MYO5A: variants seen among roughly 807,000 people sequenced by gnomAD.
The protein encoded by MYO5A is myosin VA.
MYO5A carries 98 observed loss-of-function variants against 249.7 expected under a neutral mutation model. The ratio of observed to expected loss-of-function variants is 0.39; its 90% CI spans 0.33 to 0.46. The LOEUF is 0.46. Among genes scored for constraint, MYO5A ranks in the 20% least tolerant of loss-of-function variants. The pLI, the probability that MYO5A is intolerant of heterozygous loss-of-function variation, is 0.98. For missense variants in MYO5A, 1,696 were observed against 2,308.8 expected, an observed-to-expected ratio of 0.73 and a Z score of 5.44; for synonymous variants, 778 against 810.6, an observed-to-expected ratio of 0.96 and a Z score of 0.68.
intron 16 of MYO5A, among the ~76,000 whole-genome samples, chr15:52,381,108 A>G (rs1400540026): frequency 6.6e-6 from 1 of 152,238 alleles, no homozygotes; most frequent in African/African-American, 2.4e-5. Context: ...CCCTTCGGCC[A>G]AATGATTGCT....
intron 1 of MYO5A, among the ~76,000 whole-genome samples, chr15:52,491,040 T>C (rs2076925421): frequency 6.6e-6 from 1 of 152,182 alleles, no homozygotes; most frequent in Non-Finnish European, 1.5e-5. Context: ...ACAATATGAA[T>C]GTACTTAACA....
chr15:52,387,682 G>T, intron 14 of MYO5A, 147 bp downstream of exon 14: 1 of 645,116 alleles, frequency 1.6e-6, no homozygotes, highest in Non-Finnish European at 2.7e-6. Flanking sequence ...CTGACATGCA[G>T]CTAAATTACT....
rs191596724 is a variant in MYO5A, at chr15:52,423,306, A to T, written c.455+2524T>A. On this transcript the variant is annotated intron_variant, in intron 4 of 41. Coordinates refer to ENST00000399233, the MANE Select transcript of MYO5A (RefSeq NM_001382347.1). ...GGTGGCTCATGCCTGTAATCCCAGC[A>T]CTTTGGGAGGCCGAGGTGGGCGGAT... is the stretch of plus-strand genomic sequence containing the variant. Among the ~76,000 whole-genome samples, 68 of 151,984 alleles carry T rather than the reference A, an allele frequency of 4.5e-4. 1 individual carries two copies. The East Asian group carries it at 7.2e-3, about 16-fold the overall frequency.
At chr15:52,364,727 T>C (rs763622925) in intron 23 of MYO5A, 25 bp from the exon 24 acceptor site, 1 of 1,612,024 alleles carries the variant, frequency 6.2e-7, no homozygotes, top group Non-Finnish European at 8.5e-7. Flanking sequence ...AGGATATGCA[T>C]ACTAAAGATG....
chr15:52,447,197 T>C (rs1595700756), intron 1 of MYO5A, among the ~76,000 whole-genome samples: 1 of 152,134 alleles, frequency 6.6e-6, no homozygotes. Context: ...GTTTGGATCA[T>C]GGGGGCGGCT....
In MYO5A at chr15:52,405,266, TA is replaced by T. The variant is rs2042955040; in HGVS notation, c.1053+20del. On this transcript the variant is annotated intron_variant, in intron 9 of 41. Transcript: ENST00000399233. The stretch of plus-strand genomic sequence containing the variant: ...AAACATAATTCAACTGCCATCCCAC[TA>T]AAGCTTATTCTGAACTTACAGGTAT... The T allele has an allele frequency of 6.4e-7, 1 of 1,552,004 alleles. No individual in the cohort carries two copies. Among genetic ancestry groups the T allele is most frequent in the Non-Finnish European group, 8.9e-7 (1 of 1,123,826 alleles).
chr15:52,344,109 ATTG>A lies in MYO5A; in HGVS notation c.3960-915_3960-913del, dbSNP rs1254743944. On this transcript the variant is annotated intron_variant, in intron 30 of 41. Transcript: ENST00000399233. ...GAGTCCAGGTTCTTACTCCTGCTAT[ATTG>A]TTGTTATGTTTACATAACCCAAATT... Among the ~76,000 whole-genome samples the A allele has an allele frequency of 2.0e-5, 3 of 152,108 alleles. No homozygotes were observed. In the East Asian group the frequency reaches 5.8e-4, roughly 29 times the overall value.
intron 1 of MYO5A, among the ~76,000 whole-genome samples, chr15:52,472,460 A>ATG (rs923645768): frequency 6.6e-6 from 1 of 152,018 alleles, no homozygotes; most frequent in Non-Finnish European, 1.5e-5. Flanking sequence ...TTTGTTACAT[A>ATG]TGTATACATG....
intron 39 of MYO5A, among the ~76,000 whole-genome samples, chr15:52,318,187 G>A (rs559268255): frequency 1.1e-3 from 164 of 152,112 alleles, no homozygotes; most frequent in Non-Finnish European, 1.6e-3. Context: ...CCAGCACGGT[G>A]GCTCACACCT....
intron 38 of MYO5A, 92 bp from the exon 39 acceptor site, chr15:52,319,434 C>T (rs2038195650): frequency 1.4e-6 from 2 of 1,433,186 alleles, no homozygotes; most frequent in Non-Finnish European, 2.0e-6. Flanking sequence ...GCACATTCAA[C>T]TTAGGAAAAT....
At chr15:52,526,301 G>A (rs2077728719) in intron 1 of MYO5A, among the ~76,000 whole-genome samples, 1 of 152,150 alleles carries the variant, frequency 6.6e-6, no homozygotes, top group South Asian at 2.1e-4. Flanking sequence ...TGCCTCAGCT[G>A]ATCATCCTGC....
intron 36 of MYO5A, chr15:52,324,038 A>AAAAAAAAAAAAAAAAAAAAAAAC (rs2038471208): frequency 7.5e-6 from 1 of 133,270 alleles, no homozygotes; most frequent in African/African-American, 2.9e-5. Context: ...AAAAAAAAAA[A>AAAAAAAAAAAAAAAAAAAAAAAC]ATCACCCAGC....
intron 1 of MYO5A, among the ~76,000 whole-genome samples, chr15:52,470,971 C>T (rs1235396858): frequency 6.7e-6 from 1 of 148,992 alleles, no homozygotes; most frequent in Admixed American, 6.7e-5. Context: ...TGCAGTGAGC[C>T]GAGATCACGC....
chr15:52,360,796 G>A (rs1438171027), intron 24 of MYO5A, among the ~76,000 whole-genome samples: 1 of 152,122 alleles, frequency 6.6e-6, no homozygotes, highest in African/African-American at 2.4e-5. Flanking sequence ...CTTCCCTCCT[G>A]TAGGAGAAGG....
chr15:52,314,334 G>A (rs1011814587), intron 40 of MYO5A, 131 bp from the exon 41 acceptor site: 4 of 702,604 alleles, frequency 5.7e-6, no homozygotes, highest in Non-Finnish European at 1.0e-5. Context: ...GGGACCAGAA[G>A]GAAGGAGGAG....
intron 1 of MYO5A, among the ~76,000 whole-genome samples, chr15:52,478,777 G>A (rs918884931): frequency 6.6e-6 from 1 of 152,082 alleles, no homozygotes; most frequent in Non-Finnish European, 1.5e-5. Flanking sequence ...TGTTCACACG[G>A]GGATGGTTAG....
intron 1 of MYO5A, among the ~76,000 whole-genome samples, chr15:52,473,505 T>C (rs1162494954): frequency 6.6e-6 from 1 of 152,248 alleles, no homozygotes; most frequent in Non-Finnish European, 1.5e-5. Context: ...CTAGGTTTTC[T>C]TCCAGGGTTT....
chr15:52,422,891 A>G (rs961937253), intron 4 of MYO5A, among the ~76,000 whole-genome samples: 4 of 151,852 alleles, frequency 2.6e-5, no homozygotes, highest in Non-Finnish European at 5.9e-5. Flanking sequence ...TAGTTTTTGT[A>G]TTTTGTTTGT....
chr15:52,336,581 T>C lies in MYO5A; in HGVS notation c.4315-25A>G, dbSNP rs775602964. On this transcript the variant is annotated intron_variant, in intron 33 of 41. Transcript: ENST00000399233. ...CCTAAAGATCAAAAAGAGAAATATA[T>C]TAGAAAAATCGAAACAGGCCTTCTA... 1.9e-6 allele frequency: 3 copies of C among 1,538,608 alleles called. 1 individual carries two copies. In the South Asian group the frequency reaches 3.5e-5, roughly 18 times the overall value.
Sources: gnomAD v4.1 joint callset for allele counts (sites outside exome capture counted in the v4.1 genomes callset) on GRCh38, gnomAD v4.1.1 for gene constraint, MANE v1.5 for transcripts, NCBI Gene and HGNC (gene_info 2026-07-23, HGNC 2026-07-21) for gene names.